The following EYS variants were observed in gnomAD, a reference collection of about 807,000 sequenced individuals.
EYS encodes the protein protein eyes shut homolog.
A neutral mutation model predicts 282.1 loss-of-function variants in EYS; 250 were observed. That is an observed-to-expected ratio of 0.89 (90% CI 0.80 to 0.98). The LOEUF (loss-of-function observed/expected upper bound fraction) is 0.98. EYS is among the 50% of genes least tolerant of loss of function. The probability of loss-of-function intolerance (pLI) is 0.00; values close to 1 mark genes in which losing one functional copy is unlikely to be tolerated. For missense variants in EYS, 4,016 were observed against 3,709.0 expected (o/e 1.08, Z -2.15); for synonymous variants, 1,355 against 1,282.9 (o/e 1.06, Z -1.20).
intron 24 of EYS, among the ~76,000 whole-genome samples, chr6:64,602,679 T>G (rs1434781823): frequency 1.3e-5 from 2 of 152,026 alleles, no homozygotes; most frequent in Non-Finnish European, 2.9e-5. Context: ...ATTTAGCAAT[T>G]TGAAAACTAA....
intron 2 of EYS, among the ~76,000 whole-genome samples, chr6:65,635,634 A>G (rs1767058401): frequency 6.6e-6 from 1 of 152,192 alleles, no homozygotes; most frequent in Non-Finnish European, 1.5e-5. Context: ...TTAGTTTTAA[A>G]TGATAATAGG....
chr6:65,256,164 T>C (rs1419016677), intron 12 of EYS, among the ~76,000 whole-genome samples: 3 of 151,682 alleles, frequency 2.0e-5, no homozygotes, highest in Non-Finnish European at 4.4e-5. Flanking sequence ...TACTATTCAG[T>C]CATAAAAAAG....
intron 2 of EYS, among the ~76,000 whole-genome samples, chr6:65,524,979 T>C (rs896956913): frequency 1.3e-5 from 2 of 152,106 alleles, no homozygotes; most frequent in African/African-American, 4.8e-5. Context: ...AGGTCAACCA[T>C]GGTGACTGGA....
At chr6:64,219,334 G>A (rs573982942) in intron 31 of EYS, among the ~76,000 whole-genome samples, 2 of 152,258 alleles carry the variant, frequency 1.3e-5, no homozygotes, top group South Asian at 4.1e-4. Flanking sequence ...ATATTCCCAG[G>A]TTGTCACAAA....
chr6:63,831,530 A>C (rs1042730154), intron 36 of EYS, among the ~76,000 whole-genome samples: 1 of 152,226 alleles, frequency 6.6e-6, no homozygotes, highest in African/African-American at 2.4e-5. Context: ...CTAAATATAT[A>C]TATGCACCCA....
intron 12 of EYS, among the ~76,000 whole-genome samples, chr6:65,240,214 C>T (rs111693033): frequency 0.033 from 4,959 of 152,132 alleles, 107 homozygotes; most frequent in African/African-American, 0.057. Context: ...GTGATCCACC[C>T]GTCTTGGCCT....
intron 12 of EYS, among the ~76,000 whole-genome samples, chr6:65,278,394 T>A (rs990559873): frequency 3.5e-5 from 5 of 143,804 alleles, no homozygotes; most frequent in African/African-American, 1.3e-4. Flanking sequence ...GAAATGTATT[T>A]TATATATATA....
At chr6:65,049,490 T>G (rs1231445803) in intron 13 of EYS, among the ~76,000 whole-genome samples, 3 of 151,776 alleles carry the variant, frequency 2.0e-5, no homozygotes, top group Non-Finnish European at 4.4e-5. Flanking sequence ...TTGACACATT[T>G]GAATAGATTT....
At chr6:64,511,365 C>G (rs1460058894) in intron 26 of EYS, among the ~76,000 whole-genome samples, 1 of 144,146 alleles carries the variant, frequency 6.9e-6, no homozygotes, top group Non-Finnish European at 1.5e-5. Context: ...AGTTTGTTTG[C>G]TTCCTTACTT....
chr6:65,692,787 A>T (rs1769290578), intron 1 of EYS, among the ~76,000 whole-genome samples: 1 of 150,154 alleles, frequency 6.7e-6, no homozygotes, highest in Admixed American at 6.7e-5. Flanking sequence ...TACAATTTTA[A>T]AAAAAGGTGG....
intron 28 of EYS, among the ~76,000 whole-genome samples, chr6:64,417,074 G>T (rs1774079416): frequency 6.6e-6 from 1 of 152,086 alleles, no homozygotes; most frequent in African/African-American, 2.4e-5. Context: ...ATGACATAAT[G>T]TTGACTGAAC....
rs193113226 is a variant in EYS, at chr6:64,375,336, T to G, written c.6078+13354A>C. On this transcript the variant is annotated intron_variant, in intron 29 of 42. Coordinates refer to ENST00000503581, the MANE Select transcript of EYS (RefSeq NM_001142800.2). ...CACTTGACTATATCGCAATGCTGAT[T>G]TGCTATTGCTGCCATCAGAATGTCA... Among the ~76,000 whole-genome samples the G allele has an allele frequency of 1.9e-3, 289 of 152,336 alleles. 5 individuals are homozygous for G. Among genetic ancestry groups the G allele is most frequent in the Admixed American group, 0.017 (258 of 15,300 alleles).
At chr6:65,295,461 A>G (rs1186615043) in intron 12 of EYS, among the ~76,000 whole-genome samples, 1 of 151,932 alleles carries the variant, frequency 6.6e-6, no homozygotes, top group East Asian at 1.9e-4. Flanking sequence ...CTGAAACCAA[A>G]TTTTATTCTT....
chr6:64,214,474 T>C (rs1235431234), intron 31 of EYS, among the ~76,000 whole-genome samples: 2 of 152,148 alleles, frequency 1.3e-5, no homozygotes, highest in Non-Finnish European at 2.9e-5. Flanking sequence ...TTAATTAAAG[T>C]GCATCTTGTT....
chr6:65,128,065 T>A (rs1460848618), intron 12 of EYS, among the ~76,000 whole-genome samples: 2 of 152,054 alleles, frequency 1.3e-5, no homozygotes, highest in Admixed American at 1.3e-4. Context: ...GGTCTTCCAG[T>A]AAGAACTTCC....
chr6:63,781,477 T>C (rs1770224395), intron 39 of EYS, among the ~76,000 whole-genome samples: 1 of 152,168 alleles, frequency 6.6e-6, no homozygotes, highest in African/African-American at 2.4e-5. Context: ...CCCTTGTAAG[T>C]TGGATTCCTA....
chr6:63,827,805 C>T (rs1225797711), intron 36 of EYS, among the ~76,000 whole-genome samples: 2 of 144,822 alleles, frequency 1.4e-5, no homozygotes, highest in African/African-American at 5.1e-5. Flanking sequence ...GATTGCGCCA[C>T]TGCAGTCCAC....
At chr6:64,715,019 C>G (rs1771339577) in intron 22 of EYS, among the ~76,000 whole-genome samples, 1 of 151,406 alleles carries the variant, frequency 6.6e-6, no homozygotes, top group Non-Finnish European at 1.5e-5. Flanking sequence ...TAGTTTAAAG[C>G]AGCAGTCCCC....
In EYS at chr6:65,453,732, T is replaced by C. The variant is rs574874324; in HGVS notation, c.862+36862A>G. On this transcript the variant is annotated intron_variant, in intron 5 of 42. Coordinates refer to ENST00000503581, the MANE Select transcript of EYS (RefSeq NM_001142800.2). ...TGTTCTACTCTAAGCTTCTAAGATATCAACTTCTTTTATTTTAGATACCAG... is the reference window on the plus strand; with the variant it reads ...TGTTCTACTCTAAGCTTCTAAGATACCAACTTCTTTTATTTTAGATACCAG... Among the ~76,000 whole-genome samples the C allele has an allele frequency of 7.9e-5, 12 of 152,136 alleles. No individual in the cohort carries two copies. The South Asian group carries it at 1.2e-3, about 16-fold the overall frequency.
Sources: allele counts gnomAD v4.1 joint callset (sites outside exome capture counted in the v4.1 genomes callset), GRCh38; gene constraint gnomAD v4.1.1; transcripts MANE v1.5; gene names NCBI Gene and HGNC (gene_info 2026-07-23, HGNC 2026-07-21).